The following CPE variants were observed in gnomAD, a reference collection of about 807,000 sequenced individuals.
CPE encodes carboxypeptidase E.
In CPE, 17 loss-of-function variants were observed where a neutral mutation model predicts 53.5. That is an observed-to-expected ratio of 0.32 (90% CI 0.22 to 0.48). The LOEUF is 0.48. Ranked by LOEUF, CPE falls within the 20% of genes least tolerant of loss-of-function variation. CPE has a pLI of 0.99. For synonymous variants in CPE, 226 were observed against 228.8 expected (o/e 0.99, Z 0.11); for missense variants, 524 against 614.7 (o/e 0.85, Z 1.56).
At chr4:165,423,790 C>T (rs1303952357) in intron 1 of CPE, among the ~76,000 whole-genome samples, 3 of 121,710 alleles carry the variant, frequency 2.5e-5, no homozygotes, top group African/African-American at 6.0e-5. Flanking sequence ...CTATCCCTCC[C>T]CCCTCCCCCC....
intron 1 of CPE, among the ~76,000 whole-genome samples, chr4:165,451,179 G>A (rs1204214307): frequency 6.6e-6 from 1 of 152,182 alleles, no homozygotes; most frequent in Non-Finnish European, 1.5e-5. Context: ...TGCCATATGG[G>A]ATAGGTCTGA....
At chr4:165,381,365 A>G (rs1353912983) in intron 1 of CPE, 1 of 454,870 alleles carries the variant, frequency 2.2e-6, no homozygotes, top group African/African-American at 2.0e-5. Context: ...ACATTATGAA[A>G]TAATCTACAT....
intron 2 of CPE, among the ~76,000 whole-genome samples, chr4:165,465,316 A>G (rs947457241): frequency 1.3e-5 from 2 of 152,180 alleles, no homozygotes; most frequent in African/African-American, 4.8e-5. Context: ...AAAAAATCCA[A>G]TGACATAGTT....
chr4:165,461,689 C>A (rs1453525769), intron 1 of CPE, among the ~76,000 whole-genome samples: 1 of 152,202 alleles, frequency 6.6e-6, no homozygotes, highest in African/African-American at 2.4e-5. Context: ...CCAGACTCTA[C>A]ATTCCTTCAG....
intron 3 of CPE, among the ~76,000 whole-genome samples, chr4:165,481,041 A>G (rs113601913): frequency 0.028 from 4,085 of 145,674 alleles, 97 homozygotes; most frequent in Non-Finnish European, 0.041. Context: ...TTTAGCAAAA[A>G]TAAGATCTAC....
chr4:165,405,129 C>T, intron 1 of CPE: 1 of 754,846 alleles, frequency 1.3e-6, no homozygotes, highest in South Asian at 1.5e-5. Context: ...TTCTTCTTTA[C>T]TTTGTCATTC....
At chr4:165,419,872 T>G (rs1946817) in intron 1 of CPE, among the ~76,000 whole-genome samples, 44,987 of 152,098 alleles carry the variant, frequency 0.3, 6,744 homozygotes, top group Middle Eastern at 0.39. Flanking sequence ...TATGGTGGTA[T>G]TTAAAAATCT....
rs1253155015 is a variant in CPE at position 165,482,261 on chromosome 4, C to G, written c.692C>G (p.Ala231Gly). ...GAACAGCTTGCTCCTGAGACCAAGG[C>G]TGTCATTCATTGGATTATGGATATT... The part of the protein sequence containing the change: ...QNTKLAPETK[A>G]VIHWIMDIPF... Residue 231 changes from alanine (A) to glycine (G), a missense_variant, in exon 4 of 9, where the codon GCT (alanine) becomes GGT (glycine). Physicochemically the swap from Ala to Gly is moderately conservative, Grantham distance 60. Transcript: ENST00000402744. The G allele has an allele frequency of 2.5e-6, 4 of 1,613,180 alleles. No homozygotes were observed. The Admixed American group carries it at 6.7e-5, about 27-fold the overall frequency.
At chr4:165,385,442 G>GTT (rs1344990867) in intron 1 of CPE, among the ~76,000 whole-genome samples, 3 of 92,440 alleles carry the variant, frequency 3.2e-5, no homozygotes, top group African/African-American at 1.8e-4. Flanking sequence ...ACAAATGTTT[G>GTT]CTTTTTTTTT....
intron 1 of CPE, among the ~76,000 whole-genome samples, chr4:165,394,739 T>G (rs1340911246): frequency 6.6e-6 from 1 of 152,124 alleles, no homozygotes; most frequent in Non-Finnish European, 1.5e-5. Flanking sequence ...GTGAAAAATG[T>G]TACTTGTGCT....
intron 1 of CPE, among the ~76,000 whole-genome samples, chr4:165,392,510 A>G (rs1234716846): frequency 6.9e-6 from 1 of 144,574 alleles, no homozygotes; most frequent in Non-Finnish European, 1.5e-5. Flanking sequence ...TATATTAAAT[A>G]TATAATATAT....
chr4:165,390,511 G>T (rs1463710371), intron 1 of CPE, among the ~76,000 whole-genome samples: 1 of 152,136 alleles, frequency 6.6e-6, no homozygotes, highest in Non-Finnish European at 1.5e-5. Context: ...TGATAAAAAT[G>T]CTTCTATGTG....
At chr4:165,457,626 G>A (rs1449594732) in intron 1 of CPE, among the ~76,000 whole-genome samples, 1 of 152,134 alleles carries the variant, frequency 6.6e-6, no homozygotes, top group Non-Finnish European at 1.5e-5. Flanking sequence ...TGTCTCTGCA[G>A]AATAATTCTG....
intron 1 of CPE, among the ~76,000 whole-genome samples, chr4:165,395,876 C>T (rs1247994527): frequency 1.3e-5 from 2 of 152,278 alleles, no homozygotes; most frequent in East Asian, 1.9e-4. Context: ...AACCTAATCT[C>T]GCCTGTATAG....
chr4:165,423,912 C>A (rs369602629), intron 1 of CPE, among the ~76,000 whole-genome samples: 1 of 149,186 alleles, frequency 6.7e-6, no homozygotes, highest in Non-Finnish European at 1.5e-5. Flanking sequence ...TTTGTTCTTG[C>A]GATAGTTTAC....
chr4:165,402,203 C>T (rs1730879846), intron 1 of CPE, among the ~76,000 whole-genome samples: 1 of 152,088 alleles, frequency 6.6e-6, no homozygotes, highest in South Asian at 2.1e-4. Context: ...ATAATAGTGG[C>T]CAACATTTTC....
chr4:165,481,016 A>AT (rs11421146), intron 3 of CPE, among the ~76,000 whole-genome samples: 17,676 of 110,534 alleles, frequency 0.16, 1,953 homozygotes, highest in Admixed American at 0.33. Context: ...ATATATATAT[A>AT]TTTTTTTTTT....
At chr4:165,431,236 C>T (rs1478017789) in intron 1 of CPE, among the ~76,000 whole-genome samples, 1 of 152,218 alleles carries the variant, frequency 6.6e-6, no homozygotes, top group Non-Finnish European at 1.5e-5. Context: ...CCTCCGTTTT[C>T]CACTGTCCAC....
chr4:165,407,100 T>A (rs141353617), intron 1 of CPE, among the ~76,000 whole-genome samples: 1 of 152,230 alleles, frequency 6.6e-6, no homozygotes, highest in Non-Finnish European at 1.5e-5. Context: ...CTTTTAGGTA[T>A]GAACCTAGCA....
Sources: allele counts gnomAD v4.1 joint callset (sites outside exome capture counted in the v4.1 genomes callset), GRCh38; gene constraint gnomAD v4.1.1; transcripts MANE v1.5; gene names NCBI Gene and HGNC (gene_info 2026-07-23, HGNC 2026-07-21).